OR52N2: variants seen among roughly 807,000 people sequenced by gnomAD.
OR52N2 encodes olfactory receptor family 52 subfamily N member 2.
For missense variants in OR52N2, 326 were observed against 196.6 expected (o/e 1.66, Z -3.94); for synonymous variants, 129 against 72.0 (o/e 1.79, Z -4.01).
intron 1 of OR52N2, among the ~76,000 whole-genome samples, chr11:5,815,895 T>C (rs1846400286): frequency 6.6e-6 from 1 of 151,052 alleles, no homozygotes; most frequent in South Asian, 2.1e-4. Context: ...TGTGTGTATA[T>C]ACATGTGTGT....
chr11:5,814,809 G>C (rs1414711710), intron 1 of OR52N2, among the ~76,000 whole-genome samples: 1 of 152,296 alleles, frequency 6.6e-6, no homozygotes. Flanking sequence ...TCACATTTCT[G>C]ATTTCAAAAC....
chr11:5,818,617 T>C (rs957330734), intron 1 of OR52N2, among the ~76,000 whole-genome samples: 1 of 109,610 alleles, frequency 9.1e-6, no homozygotes. Flanking sequence ...TGCAACAGCC[T>C]GATACACTGA....
chr11:5,821,149 C>G lies in OR52N2; in HGVS notation c.814C>G (p.Pro272Ala). ...FTHRFVGHNIPNHIHIIVANL... is the reference protein window; with the variant it reads ...FTHRFVGHNIANHIHIIVANL... The stretch of plus-strand genomic sequence containing the variant: ...TCATCGTTTTGTAGGACACAATATC[C>G]CAAACCACATACACATCATCGTGGC... Residue 272 changes from proline to alanine, a missense_variant, in exon 2 of 2, where the codon CCA (proline) becomes GCA (alanine). Transcript: ENST00000317037. The G allele has an allele frequency of 1.3e-6, 1 of 781,010 alleles. No homozygotes were observed. Among genetic ancestry groups the G allele is most frequent in the Non-Finnish European group, 2.4e-6 (1 of 418,110 alleles). 48.4% of individuals were successfully genotyped at this position (781,010 alleles called of 1,614,324 possible). A position where few individuals can be genotyped will look rare whatever the true frequency, so the allele number is the denominator to read the frequency against.
At chr11:5,810,573 GAACA>G (rs1214580707) in intron 1 of OR52N2, among the ~76,000 whole-genome samples, 1 of 152,114 alleles carries the variant, frequency 6.6e-6, no homozygotes, top group African/African-American at 2.4e-5. Flanking sequence ...CTTTCAGAAG[GAACA>G]AATGCTCAAG....
chr11:5,811,583 G>A (rs927492021), intron 1 of OR52N2, among the ~76,000 whole-genome samples: 4 of 151,964 alleles, frequency 2.6e-5, no homozygotes, highest in Admixed American at 2.6e-4. Flanking sequence ...ACAAAATATA[G>A]AAAGTAAAGA....
In OR52N2 at chr11:5,813,595, G is replaced by A. The variant is rs183628913; in HGVS notation, c.-55+4541G>A. On this transcript the variant is annotated intron_variant, in intron 1 of 1. Coordinates refer to ENST00000317037, the MANE Select transcript of OR52N2 (RefSeq NM_001005174.3). ...GGAGGCTTCACTGCTGAATTCTACC[G>A]AACATTTAAAGGGGAATTAATACCA... 2.8e-3 allele frequency among the ~76,000 whole-genome samples: 432 copies of A among 152,126 alleles called. 4 individuals are homozygous for A. The highest frequency in any genetic ancestry group is 9.8e-3 in the African/African-American group (408 of 41,512).
At chr11:5,810,125 C>T (rs926523249) in intron 1 of OR52N2, among the ~76,000 whole-genome samples, 1 of 152,212 alleles carries the variant, frequency 6.6e-6, no homozygotes, top group Non-Finnish European at 1.5e-5. Flanking sequence ...TGACGCTTCA[C>T]AGAAGTCAAT....
chr11:5,810,754 T>C (rs1346809334), intron 1 of OR52N2, among the ~76,000 whole-genome samples: 22 of 151,994 alleles, frequency 1.4e-4, no homozygotes, highest in Non-Finnish European at 5.9e-5. Context: ...GCCAGTTCTA[T>C]CTGAGTTTAT....
At chr11:5,812,562 T>C (rs1846372633) in intron 1 of OR52N2, among the ~76,000 whole-genome samples, 1 of 151,608 alleles carries the variant, frequency 6.6e-6, no homozygotes, top group South Asian at 2.1e-4. Context: ...AATTATATAT[T>C]GATACAGAGG....
At chr11:5,810,987 A>C (rs1293854754) in intron 1 of OR52N2, among the ~76,000 whole-genome samples, 12 of 151,906 alleles carry the variant, frequency 7.9e-5, no homozygotes, top group Non-Finnish European at 1.2e-4. Context: ...ATTGTAATAC[A>C]GAAAGTTGAG....
At chr11:5,816,753 G>A (rs755262038) in intron 1 of OR52N2, among the ~76,000 whole-genome samples, 11 of 152,032 alleles carry the variant, frequency 7.2e-5, no homozygotes, top group Non-Finnish European at 1.2e-4. Context: ...TGTCCAGGCA[G>A]GTCTCAAACT....
In OR52N2 at chr11:5,820,524, C is replaced by G. The variant is rs764838307; in HGVS notation, c.189C>G (p.Tyr63Ter). The change falls in exon 2 of 2, where the codon TAC becomes TAG. Residue 63 changes from tyrosine (Y) to a stop codon, truncating the protein, a stop_gained. Coordinates refer to ENST00000317037, the MANE Select transcript of OR52N2 (RefSeq NM_001005174.3). LOFTEE classifies it low-confidence loss of function (END_TRUNC). ...HEEALHRPMY[Y>*]FLALLSFTDV... Reference sequence around the variant, plus strand: ...AGGCCCTGCACCGGCCCATGTACTACTTCCTGGCCCTGCTCTCCTTCACTG... The same window carrying G: ...AGGCCCTGCACCGGCCCATGTACTAGTTCCTGGCCCTGCTCTCCTTCACTG... The G allele has an allele frequency of 1.3e-6, 1 of 778,554 alleles. No individual in the cohort carries two copies. Among genetic ancestry groups the G allele is most frequent in the Non-Finnish European group, 2.4e-6 (1 of 416,794 alleles). The allele number at this position is 778,554 out of a possible 1,614,324, so 48.2% of individuals were successfully genotyped here.
intron 1 of OR52N2, among the ~76,000 whole-genome samples, chr11:5,810,584 C>G (rs745397681): frequency 4.6e-5 from 7 of 152,048 alleles, no homozygotes; most frequent in Non-Finnish European, 8.8e-5. Context: ...AACAAATGCT[C>G]AAGGTGGTAC....
At chr11:5,810,815 T>C (rs993893763) in intron 1 of OR52N2, among the ~76,000 whole-genome samples, 1 of 152,162 alleles carries the variant, frequency 6.6e-6, no homozygotes, top group Non-Finnish European at 1.5e-5. Flanking sequence ...TGTTGTTTTG[T>C]TATTGTTGTT....
chr11:5,812,026 G>A (rs1451062059), intron 1 of OR52N2, among the ~76,000 whole-genome samples: 1 of 152,096 alleles, frequency 6.6e-6, no homozygotes, highest in Non-Finnish European at 1.5e-5. Context: ...TGAACAATGA[G>A]AACACATGGA....
intron 1 of OR52N2, among the ~76,000 whole-genome samples, chr11:5,817,842 T>G (rs917207409): frequency 6.6e-6 from 1 of 152,156 alleles, no homozygotes. Flanking sequence ...GGAATTATAT[T>G]TGATAGAAAA....
Position 5,820,559 on chromosome 11 carries a change from T to G in OR52N2, c.224T>G (p.Leu75Trp), listed in dbSNP as rs1564974015. ...CTGCTCTCCTTCACTGATGTCACCT[T>G]GTGCACCACCATGGTACCTAATATG... ...LALLSFTDVT[L>W]CTTMVPNMLC... Residue 75 changes from leucine (L) to tryptophan (W), a missense_variant, in exon 2 of 2, where the codon TTG (leucine) becomes TGG (tryptophan). Leu to Trp is a moderately conservative substitution (Grantham distance 61). Coordinates refer to ENST00000317037, the MANE Select transcript of OR52N2 (RefSeq NM_001005174.3). 1 of 780,738 alleles carries G rather than the reference T, an allele frequency of 1.3e-6. No individual in the cohort carries two copies. The highest frequency in any genetic ancestry group is 2.4e-6 in the Non-Finnish European group (1 of 418,050). The allele number at this position is 780,738 out of a possible 1,614,324, so 48.4% of individuals were successfully genotyped here.
intron 1 of OR52N2, among the ~76,000 whole-genome samples, chr11:5,816,696 C>T (rs1846407533): frequency 6.6e-6 from 1 of 152,082 alleles, no homozygotes; most frequent in South Asian, 2.1e-4. Context: ...TGCACTACCA[C>T]GCCTGGCTAA....
intron 1 of OR52N2, among the ~76,000 whole-genome samples, chr11:5,812,260 C>T (rs12791839): frequency 4.0e-5 from 6 of 151,262 alleles, no homozygotes; most frequent in East Asian, 1.9e-4. Context: ...TTTGGGAGGC[C>T]GAGGCAGGCG....
Sources: allele counts gnomAD v4.1 joint callset (sites outside exome capture counted in the v4.1 genomes callset), GRCh38; gene constraint gnomAD v4.1.1; transcripts MANE v1.5; gene names NCBI Gene and HGNC (gene_info 2026-07-23, HGNC 2026-07-21).